CDC42BPB: variants seen among roughly 807,000 people sequenced by gnomAD.
The protein encoded by CDC42BPB is CDC42 binding protein kinase beta, also known as serine/threonine-protein kinase MRCK beta.
In CDC42BPB, 37 loss-of-function variants were observed where a neutral mutation model predicts 214.9. The observed-to-expected ratio is 0.17, with a 90% confidence interval of 0.13 to 0.23. CDC42BPB has a LOEUF of 0.23. CDC42BPB is among the 10% of genes least tolerant of loss of function. CDC42BPB has a pLI of 1.00. For synonymous variants in CDC42BPB, 931 were observed against 884.0 expected, an observed-to-expected ratio of 1.05 and a Z score of -0.94; for missense variants, 1,694 against 2,227.0, an observed-to-expected ratio of 0.76 and a Z score of 4.82.
chr14:103,046,876 A>G (rs989339429), intron 1 of CDC42BPB, among the ~76,000 whole-genome samples: 1 of 150,814 alleles, frequency 6.6e-6, no homozygotes, highest in African/African-American at 2.4e-5. Context: ...CTGGTCTCCA[A>G]CTCCTGAGAG....
In CDC42BPB at chr14:103,001,574, CAG is replaced by C. The variant is rs1894984489; in HGVS notation, c.448-1863_448-1862del. 6.6e-6 allele frequency among the ~76,000 whole-genome samples: 1 copy of C among 152,208 alleles called. No homozygotes were observed. The highest frequency in any genetic ancestry group is 2.4e-5 in the African/African-American group (1 of 41,448). ...ACAGTGGGGGCTGCAGCCCCACACT[CAG>C]AGCAGTGAGTGGGTGATGTTCCCCA... On this transcript the variant is annotated intron_variant, in intron 4 of 36. Transcript: ENST00000361246. This position sits in a 1 kb window ranked among gnomAD's most constrained non-coding sequence, Gnocchi z 5.8.
chr14:102,938,814 G>A (rs1170598709), intron 34 of CDC42BPB, among the ~76,000 whole-genome samples: 1 of 152,082 alleles, frequency 6.6e-6, no homozygotes, highest in Non-Finnish European at 1.5e-5. Flanking sequence ...GTTTAGTAGA[G>A]ACAGGGTTTC....
chr14:102,962,926 C>A, intron 20 of CDC42BPB, 135 bp downstream of exon 20: 3 of 543,350 alleles, frequency 5.5e-6, no homozygotes, highest in Non-Finnish European at 9.8e-6. Flanking sequence ...TTTGAAAATG[C>A]TGATTTTGGA....
In CDC42BPB at chr14:102,952,675, C is replaced by A; in HGVS notation, c.3067-72G>T. The stretch of plus-strand genomic sequence containing the variant: ...AGAGTCAGATCCATCTGCCTGTGAT[C>A]CAGTTTATACACAGCTTGGGCATTA... On this transcript the variant is annotated intron_variant, in intron 23 of 36. Transcript: ENST00000361246. 8 of 1,560,124 alleles carry A rather than the reference C, an allele frequency of 5.1e-6. No individual in the cohort carries two copies. The South Asian group carries it at 8.3e-5, about 16-fold the overall frequency.
At position 103,057,180 on chromosome 14, in the gene CDC42BPB, G is replaced by C; in HGVS notation, c.-7C>G. The C allele has an allele frequency of 7.1e-7, 1 of 1,408,312 alleles. No homozygotes were observed. 87.2% of individuals were successfully genotyped at this position (1,408,312 alleles called of 1,614,324 possible). On this transcript the variant is annotated 5_prime_UTR_variant, in exon 1 of 37. Coordinates refer to ENST00000361246, the MANE Select transcript of CDC42BPB (RefSeq NM_006035.4). Reference sequence around the variant, plus strand: ...GCCGCACCTTGGCCGACATGGTGCCGCGCGGCCCGCTCCCGACGCGCCGGC... The same window carrying C: ...GCCGCACCTTGGCCGACATGGTGCCCCGCGGCCCGCTCCCGACGCGCCGGC...
At chr14:103,024,123 A>T (rs1438499249) in intron 1 of CDC42BPB, among the ~76,000 whole-genome samples, 1 of 152,212 alleles carries the variant, frequency 6.6e-6, no homozygotes, top group African/African-American at 2.4e-5. Flanking sequence ...CACACACTCC[A>T]AACTGGGCTG....
chr14:103,036,192 G>A (rs1364802114), intron 1 of CDC42BPB, among the ~76,000 whole-genome samples: 1 of 143,754 alleles, frequency 7.0e-6, no homozygotes, highest in African/African-American at 2.6e-5. Context: ...TCGCTCTGTC[G>A]CCCAGGCTGG....
chr14:102,934,617 G>A (rs1170453817), intron 36 of CDC42BPB, among the ~76,000 whole-genome samples: 1 of 152,040 alleles, frequency 6.6e-6, no homozygotes, highest in Non-Finnish European at 1.5e-5. Context: ...TCACAAACGC[G>A]ACACTCTTTC....
At chr14:103,009,676 C>T (rs1224450484) in intron 2 of CDC42BPB, among the ~76,000 whole-genome samples, 1 of 152,204 alleles carries the variant, frequency 6.6e-6, no homozygotes, top group Non-Finnish European at 1.5e-5. Flanking sequence ...GTCTCTCTGC[C>T]CTGGTGTGCC....
chr14:103,032,790 G>A (rs1052223255), intron 1 of CDC42BPB, among the ~76,000 whole-genome samples: 6 of 151,356 alleles, frequency 4.0e-5, no homozygotes, highest in Non-Finnish European at 7.4e-5. Context: ...GCAGCACCAC[G>A]CCTGGCTAAT....
At chr14:103,041,945 G>C in intron 1 of CDC42BPB, 1 of 363,980 alleles carries the variant, frequency 2.7e-6, no homozygotes, top group Non-Finnish European at 5.5e-6. Context: ...CCAAACGTCT[G>C]TAAGAAGGAG....
chr14:102,945,236 A>T (rs1422955983), intron 29 of CDC42BPB: 1 of 458,236 alleles, frequency 2.2e-6, no homozygotes, highest in Non-Finnish European at 4.4e-6. Context: ...GCCCATGGCC[A>T]GTTCCAGTCT....
intron 15 of CDC42BPB, 35 bp downstream of exon 15, chr14:102,968,437 G>A (rs1273207706): frequency 1.2e-6 from 2 of 1,613,340 alleles, no homozygotes; most frequent in East Asian, 2.2e-5. Context: ...GTATCAGCTT[G>A]CATCTTCTGA....
Position 103,024,640 on chromosome 14 carries a change from A to C in CDC42BPB, c.176-12452T>G, listed in dbSNP as rs34249125. On this transcript the variant is annotated intron_variant, in intron 1 of 36. Transcript: ENST00000361246. The stretch of plus-strand genomic sequence containing the variant: ...TATTTGACAGACTTGAGAAGGCAGG[A>C]TCTTTTAATACTTTCAATTTGCTTT... 4.6e-3 allele frequency among the ~76,000 whole-genome samples: 696 copies of C among 152,330 alleles called. 6 individuals are homozygous for C. Among genetic ancestry groups the C allele is most frequent in the African/African-American group, 0.016 (672 of 41,570 alleles).
chr14:102,982,169 G>A (rs914590485), intron 7 of CDC42BPB, among the ~76,000 whole-genome samples: 1 of 152,190 alleles, frequency 6.6e-6, no homozygotes, highest in Non-Finnish European at 1.5e-5. Flanking sequence ...TCTACAATAT[G>A]CATTTTTGCA....
In CDC42BPB at chr14:102,968,333, C is replaced by T. The variant is rs1219291529; in HGVS notation, c.2266G>A (p.Gly756Ser). 1.2e-6 allele frequency: 2 copies of T among 1,613,840 alleles called. No homozygotes were observed. Among genetic ancestry groups the T allele is most frequent in the Non-Finnish European group, 1.7e-6 (2 of 1,179,982 alleles). The change falls in exon 16 of 37, where the codon GGT becomes AGT. Residue 756 changes from glycine to serine, a missense_variant. Transcript: ENST00000361246. ...ERHNEMEEAV[G>S]TIKDKYERER... ...CGTTCGTATTTATCTTTTATTGTAC[C>T]TACTGCCTCCTCCATCTCGTTATGC...
chr14:103,057,010 A>T lies in CDC42BPB; in HGVS notation c.164T>A (p.Phe55Tyr). ...ALRRDKYVAE[F>Y]LEWAKPFTQL... ...CGGCGCGCACTTACCCCACTCGAGG[A>T]ACTCGGCCACGTACTTGTCGCGGCG... The change falls in exon 1 of 37, where the codon TTC becomes TAC. Residue 55 changes from phenylalanine (F) to tyrosine (Y), a missense_variant. Transcript: ENST00000361246. The T allele has an allele frequency of 6.8e-7, 1 of 1,473,304 alleles. No homozygotes were observed. The highest frequency in any genetic ancestry group is 9.0e-7 in the Non-Finnish European group (1 of 1,113,848). The allele number at this position is 1,473,304 out of a possible 1,614,324, so 91.3% of individuals were successfully genotyped here.
chr14:103,028,454 G>A (rs185720656), intron 1 of CDC42BPB, among the ~76,000 whole-genome samples: 88 of 152,332 alleles, frequency 5.8e-4, no homozygotes, highest in African/African-American at 2.0e-3. Context: ...TGTCAACAAT[G>A]AGCAGTGCCA....
intron 1 of CDC42BPB, among the ~76,000 whole-genome samples, chr14:103,028,173 A>T (rs1368591509): frequency 6.6e-6 from 1 of 152,222 alleles, no homozygotes; most frequent in East Asian, 1.9e-4. Context: ...AAGCACAACG[A>T]ATCTGTGATA....
Sources: allele counts gnomAD v4.1 joint callset (sites outside exome capture counted in the v4.1 genomes callset), GRCh38; gene constraint gnomAD v4.1.1; non-coding constraint Gnocchi (gnomAD v3.1); transcripts MANE v1.5; gene names NCBI Gene and HGNC (gene_info 2026-07-23, HGNC 2026-07-21).